The following RPP14 variants were observed in gnomAD, a reference collection of about 807,000 sequenced individuals.
RPP14 encodes the protein ribonuclease P protein subunit p14.
Under a neutral mutation model 17.8 loss-of-function variants are expected in RPP14, and 19 were observed. The ratio of observed to expected loss-of-function variants is 1.07; its 90% CI spans 0.74 to 1.57. RPP14 has a LOEUF of 1.57. Ranked by LOEUF, RPP14 falls within the 40% of genes most tolerant of loss-of-function variation. The pLI is 0.00. For missense variants in RPP14, 125 were observed against 140.8 expected, an observed-to-expected ratio of 0.89 and a Z score of 0.57; for synonymous variants, 60 against 56.4, an observed-to-expected ratio of 1.06 and a Z score of -0.29.
intron 1 of RPP14, 102 bp from the exon 2 acceptor site, chr3:58,310,207 A>AAAAC (rs144199276): frequency 5.9e-6 from 5 of 846,786 alleles, no homozygotes; most frequent in East Asian, 2.6e-5. Flanking sequence ...ACCCTGCCTT[A>AAAAC]AAACAAACAA....
At position 58,307,410 on chromosome 3, in the gene RPP14, C is replaced by T. The variant is rs1575541336; in HGVS notation, c.-22+993C>T. 3.9e-5 allele frequency among the ~76,000 whole-genome samples: 6 copies of T among 152,260 alleles called. No homozygotes were observed. In the East Asian group the frequency reaches 1.2e-3, roughly 29 times the overall value. On this transcript the variant is annotated intron_variant, in intron 1 of 5. Coordinates refer to ENST00000295959, the MANE Select transcript of RPP14 (RefSeq NM_007042.6). The stretch of plus-strand genomic sequence containing the variant: ...TACTAATAGGTCAGATTAGGAGCAT[C>T]CCTGCGCAGCCACTAAAAAAGGCTG...
intron 3 of RPP14, among the ~76,000 whole-genome samples, chr3:58,314,434 C>A (rs2097486037): frequency 6.6e-6 from 1 of 152,106 alleles, no homozygotes; most frequent in Non-Finnish European, 1.5e-5. Flanking sequence ...AAAACATTAA[C>A]AGACATTTTG....
chr3:58,312,249 ATTTTATTTTAT>A (rs2097483035), intron 3 of RPP14, among the ~76,000 whole-genome samples: 2 of 147,676 alleles, frequency 1.4e-5, no homozygotes, highest in African/African-American at 5.0e-5. Context: ...CCTAGAGATT[ATTTTATTTTAT>A]TTTTATTTAT....
At chr3:58,314,775 C>G (rs924385250) in intron 3 of RPP14, among the ~76,000 whole-genome samples, 1 of 150,782 alleles carries the variant, frequency 6.6e-6, no homozygotes, top group African/African-American at 2.4e-5. Context: ...ACCTCCGCCT[C>G]CCAGGTTCAG....
In RPP14 at chr3:58,317,785, GAATTA is replaced by G; in HGVS notation, c.*291_*295del. The G allele has an allele frequency of 1.4e-6, 1 of 703,098 alleles. No individual in the cohort carries two copies. Among genetic ancestry groups the G allele is most frequent in the Non-Finnish European group, 2.6e-6 (1 of 385,012 alleles). The allele number at this position is 703,098 out of a possible 1,614,324, so 43.6% of individuals were successfully genotyped here. A position where few individuals can be genotyped will look rare whatever the true frequency, so the allele number is the denominator to read the frequency against. ...ACAGACTGATGTGGCTACCTTCTCA[GAATTA>G]ACAGGGGATGTCAATCCTTTGCATT... On this transcript the variant is annotated 3_prime_UTR_variant, in exon 6 of 6. Coordinates refer to ENST00000295959, the MANE Select transcript of RPP14 (RefSeq NM_007042.6).
Position 58,310,297 on chromosome 3 carries a change from G to C in RPP14, c.-21-12G>C. ...TGCATTGGTCATTTCTAGCCCTCTT[G>C]ACTTACTGTAGGTGTGATCAGCACT... On this transcript the variant is annotated splice_polypyrimidine_tract_variant and intron_variant, in intron 1 of 5. Transcript: ENST00000295959. The C allele has an allele frequency of 6.3e-7, 1 of 1,594,298 alleles. No homozygotes were observed. The highest frequency in any genetic ancestry group is 8.6e-7 in the Non-Finnish European group (1 of 1,162,404).
At chr3:58,313,139 G>T (rs1346363752) in intron 3 of RPP14, among the ~76,000 whole-genome samples, 1 of 151,510 alleles carries the variant, frequency 6.6e-6, no homozygotes, top group Non-Finnish European at 1.5e-5. Context: ...GGCACCTGTA[G>T]TCCCAGCTAC....
At chr3:58,309,561 C>T (rs1024750870) in intron 1 of RPP14, among the ~76,000 whole-genome samples, 1 of 152,116 alleles carries the variant, frequency 6.6e-6, no homozygotes, top group African/African-American at 2.4e-5. Flanking sequence ...TTAGTTTGAT[C>T]AGAATTAGAT....
chr3:58,318,140 CA>C lies in RPP14; in HGVS notation c.*646del. 1.6e-6 allele frequency: 1 copy of C among 622,480 alleles called. No individual in the cohort carries two copies. Among genetic ancestry groups the C allele is most frequent in the Non-Finnish European group, 2.8e-6 (1 of 351,220 alleles). 38.6% of individuals were successfully genotyped at this position (622,480 alleles called of 1,614,324 possible). A position where few individuals can be genotyped will look rare whatever the true frequency, so the allele number is the denominator to read the frequency against. ...TCCTGAAATAGATGTTTTAAAGATGCAACCTCAAACACCAATGCTGTTGTTA... is the reference window on the plus strand; with the variant it reads ...TCCTGAAATAGATGTTTTAAAGATGCACCTCAAACACCAATGCTGTTGTTA... On this transcript the variant is annotated 3_prime_UTR_variant, in exon 6 of 6. Coordinates refer to ENST00000295959, the MANE Select transcript of RPP14 (RefSeq NM_007042.6).
intron 5 of RPP14, 135 bp from the exon 6 acceptor site, chr3:58,317,305 G>C: frequency 6.3e-6 from 4 of 635,578 alleles, no homozygotes; most frequent in Middle Eastern, 2.6e-4. Flanking sequence ...GTTATCGAAG[G>C]CTTCCTCTCA....
In RPP14 at chr3:58,319,508, G is replaced by T. The variant is rs10687; in HGVS notation, c.*2012G>T. 0.23 allele frequency: 34,591 copies of T among 152,028 alleles called. 5,842 individuals carry two copies. Among genetic ancestry groups the T allele is most frequent in the East Asian group, 0.81 (4,183 of 5,170 alleles). The allele number at this position is 152,028 out of a possible 1,614,324, so 9.4% of individuals were successfully genotyped here. ...GCCCACAGTTAAACGTAACAGACCAGTTTTTCAGGGTGTCAGCCAACCTCT... is the reference window on the plus strand; with the variant it reads ...GCCCACAGTTAAACGTAACAGACCATTTTTTCAGGGTGTCAGCCAACCTCT... On this transcript the variant is annotated 3_prime_UTR_variant, in exon 6 of 6. Transcript: ENST00000295959.
At chr3:58,308,108 G>C (rs1197047477) in intron 1 of RPP14, 2 of 152,200 alleles carry the variant, frequency 1.3e-5, no homozygotes, top group Non-Finnish European at 2.9e-5. Flanking sequence ...AAACAGATGA[G>C]GTTTCTTGTT....
At chr3:58,314,034 C>T (rs2097485220) in intron 3 of RPP14, among the ~76,000 whole-genome samples, 1 of 152,142 alleles carries the variant, frequency 6.6e-6, no homozygotes, top group South Asian at 2.1e-4. Context: ...GCAGCCTGGT[C>T]AACAGAACAA....
At chr3:58,306,974 G>A (rs1196768016) in intron 1 of RPP14, among the ~76,000 whole-genome samples, 3 of 152,250 alleles carry the variant, frequency 2.0e-5, no homozygotes, top group Admixed American at 2.0e-4. Context: ...AGCCGAGAAG[G>A]GCACTGGGCC....
intron 4 of RPP14, 146 bp downstream of exon 4, chr3:58,316,737 T>C (rs2097488658): frequency 2.3e-6 from 2 of 883,082 alleles, no homozygotes; most frequent in Non-Finnish European, 3.6e-6. Context: ...ATATGAACAT[T>C]CATCCACCAG....
Position 58,310,549 on chromosome 3 carries a change from C to A in RPP14, c.120C>A (p.Phe40Leu). ...GAGTTGGACTGAATGCTGCACAGTTCAAACAGCTGCTTATTTCGGCTGTGA... is the reference window on the plus strand; with the variant it reads ...GAGTTGGACTGAATGCTGCACAGTTAAAACAGCTGCTTATTTCGGCTGTGA... Reference protein sequence around the residue: ...DCGVGLNAAQFKQLLISAVKD... With the variant: ...DCGVGLNAAQLKQLLISAVKD... The change falls in exon 3 of 6, where the codon TTC becomes TTA. Residue 40 changes from phenylalanine to leucine, a missense_variant. Physicochemically the swap from Phe to Leu is conservative, Grantham distance 22. Transcript: ENST00000295959. 1.9e-6 allele frequency: 3 copies of A among 1,612,264 alleles called. No individual in the cohort carries two copies. Among genetic ancestry groups the A allele is most frequent in the South Asian group, 1.1e-5 (1 of 90,926 alleles).
intron 1 of RPP14, among the ~76,000 whole-genome samples, chr3:58,309,538 C>T (rs1012909075): frequency 4.1e-4 from 62 of 152,252 alleles, no homozygotes; most frequent in African/African-American, 1.4e-3. Flanking sequence ...ATTTTGTATT[C>T]GTATGGGTAA....
At chr3:58,317,028 C>G (rs774693467) in intron 5 of RPP14, 35 bp downstream of exon 5, 1 of 1,460,374 alleles carries the variant, frequency 6.8e-7, no homozygotes, top group Non-Finnish European at 9.6e-7. Context: ...CCAAACAAGA[C>G]TGAGTGATGG....
chr3:58,309,900 AAAT>A (rs1022180184), intron 1 of RPP14, among the ~76,000 whole-genome samples: 12 of 152,016 alleles, frequency 7.9e-5, no homozygotes, highest in African/African-American at 2.2e-4. Flanking sequence ...TCCAAAAAAA[AAAT>A]AATAATAACA....
Sources: gnomAD v4.1 joint callset for allele counts (sites outside exome capture counted in the v4.1 genomes callset) on GRCh38, gnomAD v4.1.1 for gene constraint, MANE v1.5 for transcripts, NCBI Gene and HGNC (gene_info 2026-07-23, HGNC 2026-07-21) for gene names.